Variants in SPAG17 observed in about 807,000 individuals in gnomAD.
SPAG17 encodes the protein sperm-associated antigen 17.
A neutral mutation model predicts 273.6 loss-of-function variants in SPAG17; 169 were observed. That is an observed-to-expected ratio of 0.62 (90% CI 0.55 to 0.70). SPAG17 has a LOEUF of 0.70. Among genes scored for constraint, SPAG17 ranks in the 30% least tolerant of loss-of-function variants. The pLI is 0.00. For missense variants in SPAG17, 2,557 were observed against 2,627.8 expected (o/e 0.97, Z 0.59); for synonymous variants, 825 against 873.2 (o/e 0.94, Z 0.97).
chr1:117,998,850 A>ATTG lies in SPAG17; in HGVS notation c.4777-2108_4777-2107insCAA, dbSNP rs1286148476. Among the ~76,000 whole-genome samples the ATTG allele has an allele frequency of 2.0e-5, 3 of 151,966 alleles. No individual in the cohort carries two copies. The East Asian group carries it at 5.8e-4, about 29-fold the overall frequency. ...AGGATTGTGTTCTTTTATTATTATTATTATACTTTAAATTCTAGGGCACAT... is the reference window on the plus strand; with the variant it reads ...AGGATTGTGTTCTTTTATTATTATTATTGTTATACTTTAAATTCTAGGGCACAT... On this transcript the variant is annotated intron_variant, in intron 32 of 48. Coordinates refer to ENST00000336338, the MANE Select transcript of SPAG17 (RefSeq NM_206996.4).
intron 36 of SPAG17, among the ~76,000 whole-genome samples, chr1:117,991,924 C>T (rs1007255639): frequency 2.4e-4 from 37 of 152,186 alleles, no homozygotes; most frequent in African/African-American, 6.5e-4. Context: ...CGAAGAGAAA[C>T]GTACTTTATT....
At chr1:118,029,809 CTAGTCG>C (rs1411296447) in intron 25 of SPAG17, among the ~76,000 whole-genome samples, 5 of 152,130 alleles carry the variant, frequency 3.3e-5, no homozygotes, top group Admixed American at 3.3e-4. Context: ...TTTTTTCTAA[CTAGTCG>C]TCTATTGTTG....
chr1:118,020,219 G>A (rs1007688518), intron 28 of SPAG17, among the ~76,000 whole-genome samples: 5 of 152,154 alleles, frequency 3.3e-5, no homozygotes, highest in Non-Finnish European at 5.9e-5. Flanking sequence ...AGGAGTTCAA[G>A]ACCAGCCTGG....
chr1:118,067,001 C>T, intron 17 of SPAG17, 102 bp from the exon 18 acceptor site: 1 of 1,050,240 alleles, frequency 9.5e-7, no homozygotes, highest in Non-Finnish European at 1.3e-6. Flanking sequence ...CCTACATTCA[C>T]CTCTACATTG....
At chr1:117,989,172 G>T (rs1656779294) in intron 38 of SPAG17, among the ~76,000 whole-genome samples, 1 of 151,942 alleles carries the variant, frequency 6.6e-6, no homozygotes, top group Non-Finnish European at 1.5e-5. Context: ...AGGCTTCTGG[G>T]GACACACTGT....
chr1:118,051,760 A>G (rs948947209), intron 20 of SPAG17, among the ~76,000 whole-genome samples: 1 of 144,776 alleles, frequency 6.9e-6, no homozygotes, highest in South Asian at 2.1e-4. Context: ...ATATAGTATA[A>G]TATAATATAA....
At chr1:118,047,515 G>C (rs1038127964) in intron 20 of SPAG17, among the ~76,000 whole-genome samples, 3 of 151,926 alleles carry the variant, frequency 2.0e-5, no homozygotes, top group Non-Finnish European at 4.4e-5. Context: ...CATCAAGCTG[G>C]CTCCCCATGG....
chr1:117,975,598 G>C (rs761024698), intron 43 of SPAG17, among the ~76,000 whole-genome samples: 1 of 152,118 alleles, frequency 6.6e-6, no homozygotes, highest in African/African-American at 2.4e-5. Flanking sequence ...TTACTACTCC[G>C]GGTGTCCCAA....
chr1:118,177,657 A>G (rs903240340), intron 1 of SPAG17, among the ~76,000 whole-genome samples: 3 of 152,184 alleles, frequency 2.0e-5, no homozygotes, highest in Admixed American at 6.5e-5. Flanking sequence ...GAAAAGATAA[A>G]CAAATTGTCA....
At chr1:118,028,756 G>A (rs1369734923) in intron 25 of SPAG17, among the ~76,000 whole-genome samples, 1 of 152,172 alleles carries the variant, frequency 6.6e-6, no homozygotes, top group Non-Finnish European at 1.5e-5. Context: ...GCATCTGAAT[G>A]TTGGTGTCCC....
chr1:118,135,005 C>T (rs1235276634), intron 3 of SPAG17, among the ~76,000 whole-genome samples: 1 of 152,194 alleles, frequency 6.6e-6, no homozygotes, highest in African/African-American at 2.4e-5. Context: ...ATCTGTTTTT[C>T]ATAAGACTGG....
At chr1:118,052,074 T>C (rs1037409131) in intron 20 of SPAG17, among the ~76,000 whole-genome samples, 2 of 141,710 alleles carry the variant, frequency 1.4e-5, no homozygotes, top group Non-Finnish European at 3.0e-5. Context: ...AATTACAATA[T>C]ATAATATGGT....
chr1:118,150,238 A>G (rs140207910), intron 3 of SPAG17, among the ~76,000 whole-genome samples: 1 of 152,342 alleles, frequency 6.6e-6, no homozygotes, highest in East Asian at 1.9e-4. Flanking sequence ...TTATCATGAG[A>G]AAGTATGACC....
intron 46 of SPAG17, among the ~76,000 whole-genome samples, chr1:117,968,127 A>T (rs1654080869): frequency 6.6e-6 from 1 of 152,168 alleles, no homozygotes; most frequent in Admixed American, 6.5e-5. Context: ...CTTTGAGCAG[A>T]TTCATTTAGT....
At chr1:118,059,483 T>C (rs1386532491) in intron 18 of SPAG17, among the ~76,000 whole-genome samples, 1 of 152,148 alleles carries the variant, frequency 6.6e-6, no homozygotes, top group Non-Finnish European at 1.5e-5. Context: ...CTATCTTGCA[T>C]ACTTATCATT....
chr1:118,049,005 T>A (rs1361892782), intron 20 of SPAG17, among the ~76,000 whole-genome samples: 1 of 152,152 alleles, frequency 6.6e-6, no homozygotes, highest in Non-Finnish European at 1.5e-5. Flanking sequence ...CCTAGAAGCA[T>A]ACAACTTACC....
At chr1:118,152,933 C>T (rs1225070857) in intron 1 of SPAG17, among the ~76,000 whole-genome samples, 5 of 152,178 alleles carry the variant, frequency 3.3e-5, no homozygotes, top group Admixed American at 2.6e-4. Flanking sequence ...CACACAGTTA[C>T]AGTACAGGCA....
intron 7 of SPAG17, among the ~76,000 whole-genome samples, chr1:118,096,353 C>CTT (rs5777333): frequency 2.7e-4 from 40 of 146,252 alleles, no homozygotes; most frequent in East Asian, 8.0e-4. Context: ...AGACAGTCGG[C>CTT]TTTTTTTTTT....
At chr1:118,081,837 C>T (rs762665328) in intron 13 of SPAG17, among the ~76,000 whole-genome samples, 195 bp from the exon 14 acceptor site, 7 of 152,158 alleles carry the variant, frequency 4.6e-5, no homozygotes, top group Non-Finnish European at 8.8e-5. Flanking sequence ...AAGCAAACAA[C>T]ACAGTAAAGA....
Sources: gnomAD v4.1 joint callset for allele counts (sites outside exome capture counted in the v4.1 genomes callset) on GRCh38, gnomAD v4.1.1 for gene constraint, MANE v1.5 for transcripts, NCBI Gene and HGNC (gene_info 2026-07-23, HGNC 2026-07-21) for gene names.